Variants in WDPCP observed in about 807,000 individuals in gnomAD.
WDPCP encodes WD repeat-containing and planar cell polarity effector protein fritz homolog.
In WDPCP, 71 loss-of-function variants were observed where a neutral mutation model predicts 93.1. That is an observed-to-expected ratio of 0.76 (90% CI 0.63 to 0.93). The LOEUF (loss-of-function observed/expected upper bound fraction) is 0.93. Ranked by LOEUF, WDPCP falls within the 40% of genes least tolerant of loss-of-function variation. WDPCP has a pLI of 0.00. For missense variants in WDPCP, 844 were observed against 887.4 expected, an observed-to-expected ratio of 0.95 and a Z score of 0.62; for synonymous variants, 315 against 315.0, an observed-to-expected ratio of 1.00 and a Z score of 0.00.
At position 63,711,835 on chromosome 2, in the gene WDPCP, A is replaced by C. The variant is rs144122490; in HGVS notation, n.309-60997T>G. 1.1e-3 allele frequency among the ~76,000 whole-genome samples: 173 copies of C among 152,312 alleles called. 3 individuals are homozygous for C. Among genetic ancestry groups the C allele is most frequent in the Middle Eastern group, 6.8e-3 (2 of 294 alleles). ...GGTAAACCCTATGTGTGGTAAATTG[A>C]TAGTACTTTCCTGATGGGAGCTGAA... On this transcript the variant is annotated intron_variant and non_coding_transcript_variant, in intron 2 of 4. Transcript: ENST00000467687.
chr2:63,422,986 G>T (rs967696678), intron 9 of WDPCP, among the ~76,000 whole-genome samples: 1 of 152,154 alleles, frequency 6.6e-6, no homozygotes, highest in Non-Finnish European at 1.5e-5. Flanking sequence ...TGCACACTCG[G>T]TGATAAAAGC....
intron 13 of WDPCP, among the ~76,000 whole-genome samples, chr2:63,285,320 G>C (rs1683904859): frequency 6.6e-6 from 1 of 151,938 alleles, no homozygotes; most frequent in African/African-American, 2.4e-5. Flanking sequence ...TGTAGTCCCA[G>C]CTACTCAGGA....
At chr2:63,740,565 T>C (rs982266770) in intron 2 of WDPCP, among the ~76,000 whole-genome samples, 1 of 152,160 alleles carries the variant, frequency 6.6e-6, no homozygotes, top group Admixed American at 6.5e-5. Flanking sequence ...CCTCCTGCCA[T>C]AAATTATCTG....
chr2:63,652,446 A>G (rs916501213), intron 2 of WDPCP, among the ~76,000 whole-genome samples: 20 of 152,222 alleles, frequency 1.3e-4, no homozygotes, highest in African/African-American at 4.6e-4. Flanking sequence ...ATTTGAGAAG[A>G]GAAGGAAAGA....
chr2:63,455,345 T>G (rs934050217), intron 6 of WDPCP, among the ~76,000 whole-genome samples: 6 of 151,564 alleles, frequency 4.0e-5, no homozygotes, highest in African/African-American at 1.5e-4. Flanking sequence ...TATAGACTGT[T>G]TGAACAGATT....
At chr2:63,532,113 G>A (rs1016830414) in intron 1 of WDPCP, among the ~76,000 whole-genome samples, 2 of 151,956 alleles carry the variant, frequency 1.3e-5, no homozygotes, top group Admixed American at 6.6e-5. Context: ...AGGGGATCAG[G>A]GACTGAAGAT....
At chr2:63,622,725 G>C in intron 3 of WDPCP, 1 of 1,613,018 alleles carries the variant, frequency 6.2e-7, no homozygotes, top group East Asian at 2.2e-5. Context: ...TATGTCTTCC[G>C]TCAAGACATG....
chr2:63,328,464 G>A (rs916711421), intron 12 of WDPCP, among the ~76,000 whole-genome samples: 2 of 152,152 alleles, frequency 1.3e-5, no homozygotes, highest in African/African-American at 2.4e-5. Context: ...TCCACCGGGA[G>A]GAACAAACAA....
intron 2 of WDPCP, chr2:63,752,319 C>A: frequency 1.2e-6 from 1 of 813,330 alleles, no homozygotes; most frequent in Non-Finnish European, 2.1e-6. Flanking sequence ...GCAACAAATA[C>A]CTTTTTCACA....
intron 1 of WDPCP, among the ~76,000 whole-genome samples, chr2:63,560,121 G>T (rs1706482331): frequency 6.6e-6 from 1 of 151,974 alleles, no homozygotes. Context: ...TATTTGGGAA[G>T]CTCAGGCAGG....
chr2:63,342,652 A>G (rs1688926236), intron 12 of WDPCP, among the ~76,000 whole-genome samples: 1 of 152,218 alleles, frequency 6.6e-6, no homozygotes, highest in Admixed American at 6.5e-5. Flanking sequence ...CTATAGCTCT[A>G]TCTACCCTGT....
At chr2:63,603,703 G>T (rs1429898019) in intron 3 of WDPCP, among the ~76,000 whole-genome samples, 3 of 129,330 alleles carry the variant, frequency 2.3e-5, no homozygotes, top group Admixed American at 9.7e-5. Context: ...CATCGCCCAT[G>T]CTGGAGTGCA....
intron 10 of WDPCP, among the ~76,000 whole-genome samples, chr2:63,388,170 C>T (rs1692905253): frequency 6.6e-6 from 1 of 152,060 alleles, no homozygotes; most frequent in South Asian, 2.1e-4. Flanking sequence ...GGAACAGCTC[C>T]AGTCTGCATC....
chr2:63,821,938 C>G (rs1274403564), intron 1 of WDPCP, among the ~76,000 whole-genome samples: 1 of 152,060 alleles, frequency 6.6e-6, no homozygotes, highest in Admixed American at 6.5e-5. Flanking sequence ...TAACATAAGA[C>G]TAAAATATGA....
chr2:63,741,056 T>C (rs1174285453), intron 2 of WDPCP, among the ~76,000 whole-genome samples: 1 of 152,164 alleles, frequency 6.6e-6, no homozygotes, highest in African/African-American at 2.4e-5. Flanking sequence ...AGAAATTTTA[T>C]ATCCTTAATG....
intron 1 of WDPCP, among the ~76,000 whole-genome samples, chr2:63,547,067 A>C (rs901476001): frequency 6.6e-6 from 1 of 152,156 alleles, no homozygotes; most frequent in Non-Finnish European, 1.5e-5. Flanking sequence ...ACAGTTTAAC[A>C]AATAATTCTA....
At position 63,381,965 on chromosome 2, in the gene WDPCP, A is replaced by T. The variant is rs750822710; in HGVS notation, c.1565T>A (p.Ile522Asn). Residue 522 changes from isoleucine (I) to asparagine (N), a missense_variant, in exon 11 of 18, where the codon ATC (isoleucine) becomes AAC (asparagine). Transcript: ENST00000272321. ...NWDTLGHQCF[I>N]SMSAIVNHLL... ...ATGGTTTACAATGGCGCTCATGCTGATAAAGCACTGGTGGCCCAGAGTGTC... is the reference window on the plus strand; with the variant it reads ...ATGGTTTACAATGGCGCTCATGCTGTTAAAGCACTGGTGGCCCAGAGTGTC... 1.2e-6 allele frequency: 2 copies of T among 1,613,584 alleles called. No individual in the cohort carries two copies. The highest frequency in any genetic ancestry group is 1.7e-6 in the Non-Finnish European group (2 of 1,179,734).
At chr2:63,679,463 G>T (rs1234120104) in intron 2 of WDPCP, among the ~76,000 whole-genome samples, 1 of 152,100 alleles carries the variant, frequency 6.6e-6, no homozygotes, top group African/African-American at 2.4e-5. Flanking sequence ...CACTTCCTTG[G>T]TTGAGCCATC....
chr2:63,405,742 A>T (rs1392090703), intron 9 of WDPCP, among the ~76,000 whole-genome samples: 1 of 152,174 alleles, frequency 6.6e-6, no homozygotes, highest in Non-Finnish European at 1.5e-5. Flanking sequence ...AGAACATCAA[A>T]TAAAACCACA....
Sources: gnomAD v4.1 joint callset for allele counts (sites outside exome capture counted in the v4.1 genomes callset) on GRCh38, gnomAD v4.1.1 for gene constraint, MANE v1.5 for transcripts, NCBI Gene and HGNC (gene_info 2026-07-23, HGNC 2026-07-21) for gene names.